Variants in ABCB1 observed in about 807,000 individuals in gnomAD.
ABCB1 encodes the protein ATP binding cassette subfamily B member 1.
In ABCB1, 69 loss-of-function variants were observed where a neutral mutation model predicts 142.0. The observed-to-expected ratio is 0.49, with a 90% CI of 0.40 to 0.59. The LOEUF (loss-of-function observed/expected upper bound fraction) is 0.59, where lower values mean the gene tolerates loss of function less well. Ranked by LOEUF, ABCB1 falls within the 20% of genes least tolerant of loss-of-function variation. The probability of loss-of-function intolerance (pLI) is 0.00; values close to 1 mark genes in which losing one functional copy is unlikely to be tolerated. For missense variants in ABCB1, 1,326 were observed against 1,554.7 expected (o/e 0.85, Z 2.47); for synonymous variants, 532 against 539.2 (o/e 0.99, Z 0.18).
At chr7:87,638,308 TTA>T (rs1822025603) in intron 1 of ABCB1, among the ~76,000 whole-genome samples, 1 of 151,716 alleles carries the variant, frequency 6.6e-6, no homozygotes, top group African/African-American at 2.4e-5. Context: ...GTCATTAAGA[TTA>T]TTTGGCTTTA....
intron 14 of ABCB1, among the ~76,000 whole-genome samples, chr7:87,546,852 G>C (rs1816804839): frequency 6.6e-6 from 1 of 152,118 alleles, no homozygotes; most frequent in South Asian, 2.1e-4. Context: ...CAAGGAAACT[G>C]TGTGAGACTC....
At chr7:87,549,573 A>G (rs530376484) in intron 13 of ABCB1, 55 bp from the exon 14 acceptor site, 1 of 1,613,094 alleles carries the variant, frequency 6.2e-7, no homozygotes, top group Admixed American at 1.7e-5. Context: ...CTCAGCTCAT[A>G]TTTTAAATTG....
chr7:87,546,259 C>T (rs1584867016), intron 14 of ABCB1, among the ~76,000 whole-genome samples: 2 of 152,238 alleles, frequency 1.3e-5, no homozygotes, highest in South Asian at 4.2e-4. Flanking sequence ...TATGTAAGCC[C>T]CCAAATATTT....
intron 1 of ABCB1, among the ~76,000 whole-genome samples, chr7:87,643,701 TA>T (rs1822683644): frequency 1.3e-5 from 2 of 148,890 alleles, no homozygotes; most frequent in African/African-American, 5.0e-5. Context: ...TTTTTTTTTG[TA>T]TTTTAGTAGA....
rs1005835206 is a variant in ABCB1, at chr7:87,625,858, T to C, written c.-330-24780A>G. ...CGCCTGCTTTTATTAACTTGAAAGA[T>C]AAAGTGTAAAGTCTGACTAAATTGT... On this transcript the variant is annotated intron_variant, in intron 1 of 28. Coordinates refer to the ABCB1 transcript ENST00000265724. 9.2e-5 allele frequency among the ~76,000 whole-genome samples: 14 copies of C among 152,096 alleles called. No individual in the cohort carries two copies. In the South Asian group the frequency reaches 1.0e-3, roughly 11 times the overall value.
chr7:87,551,445 C>T (rs1036751174), intron 9 of ABCB1, among the ~76,000 whole-genome samples: 3 of 152,006 alleles, frequency 2.0e-5, no homozygotes, highest in East Asian at 1.9e-4. Context: ...CATTGTATTC[C>T]GTAAGTGTAA....
intron 1 of ABCB1, among the ~76,000 whole-genome samples, chr7:87,679,011 G>A (rs528335570): frequency 8.0e-5 from 12 of 149,364 alleles, no homozygotes; most frequent in African/African-American, 2.7e-4. Context: ...AGTAGATCAA[G>A]TAAACAGAAA....
At chr7:87,526,734 A>G (rs766877443) in intron 21 of ABCB1, among the ~76,000 whole-genome samples, 3 of 152,270 alleles carry the variant, frequency 2.0e-5, no homozygotes, top group South Asian at 2.1e-4. Flanking sequence ...GAAAGCATCA[A>G]TGTAACCAAT....
intron 1 of ABCB1, among the ~76,000 whole-genome samples, chr7:87,641,491 G>T (rs1202473883): frequency 6.6e-6 from 1 of 152,070 alleles, no homozygotes; most frequent in Non-Finnish European, 1.5e-5. Flanking sequence ...CTTGGATTTG[G>T]TATATTTTCT....
At chr7:87,567,203 T>C (rs1817819334) in intron 5 of ABCB1, among the ~76,000 whole-genome samples, 1 of 152,250 alleles carries the variant, frequency 6.6e-6, no homozygotes, top group Admixed American at 6.5e-5. Context: ...ATCCCAGCTC[T>C]TCACTTCACT....
intron 24 of ABCB1, among the ~76,000 whole-genome samples, chr7:87,516,105 G>A (rs1421200956): frequency 6.6e-6 from 1 of 152,060 alleles, no homozygotes; most frequent in East Asian, 1.9e-4. Flanking sequence ...AATTAGCTGG[G>A]CATGATGGCA....
intron 1 of ABCB1, among the ~76,000 whole-genome samples, chr7:87,621,934 T>C (rs1412004030): frequency 1.3e-5 from 2 of 152,144 alleles, no homozygotes; most frequent in African/African-American, 2.4e-5. Flanking sequence ...ATTTAATAAA[T>C]AGAATTGGGA....
intron 2 of ABCB1, among the ~76,000 whole-genome samples, chr7:87,599,387 G>A (rs1257863771): frequency 6.6e-6 from 1 of 152,142 alleles, no homozygotes; most frequent in Non-Finnish European, 1.5e-5. Context: ...TTGACCTTCT[G>A]TCTCATCAGC....
chr7:87,607,694 G>A (rs1819703691), intron 1 of ABCB1, among the ~76,000 whole-genome samples: 1 of 151,908 alleles, frequency 6.6e-6, no homozygotes, highest in South Asian at 2.1e-4. Flanking sequence ...TGGGACCAAA[G>A]GTGTGCGCCA....
At chr7:87,609,495 T>A (rs547665566) in intron 1 of ABCB1, among the ~76,000 whole-genome samples, 11 of 152,012 alleles carry the variant, frequency 7.2e-5, no homozygotes, top group African/African-American at 2.7e-4. Flanking sequence ...GAGGGCCAAG[T>A]TAACAACACA....
chr7:87,529,856 C>A (rs1195934905), intron 21 of ABCB1, among the ~76,000 whole-genome samples: 1 of 152,192 alleles, frequency 6.6e-6, no homozygotes, highest in Non-Finnish European at 1.5e-5. Context: ...CTGGCAGGGG[C>A]CAACGTTACT....
chr7:87,535,854 G>A (rs1816263723), intron 20 of ABCB1, among the ~76,000 whole-genome samples: 1 of 152,086 alleles, frequency 6.6e-6, no homozygotes, highest in Non-Finnish European at 1.5e-5. Flanking sequence ...GTGGACTTTT[G>A]CCATAAACAG....
chr7:87,534,731 A>G (rs1203019675), intron 20 of ABCB1, among the ~76,000 whole-genome samples: 1 of 151,928 alleles, frequency 6.6e-6, no homozygotes, highest in African/African-American at 2.4e-5. Context: ...ACTGGGCAAC[A>G]TAGGGAGACC....
At chr7:87,594,943 G>A (rs1819137360) in intron 3 of ABCB1, among the ~76,000 whole-genome samples, 1 of 152,068 alleles carries the variant, frequency 6.6e-6, no homozygotes, top group Admixed American at 6.5e-5. Context: ...GACTTAATTG[G>A]TTTAGTAGTC....
Sources: allele counts gnomAD v4.1 joint callset (sites outside exome capture counted in the v4.1 genomes callset), GRCh38; gene constraint gnomAD v4.1.1; transcripts MANE v1.5; gene names NCBI Gene and HGNC (gene_info 2026-07-23, HGNC 2026-07-21).